The following ASDURF variants were observed in gnomAD, a reference collection of about 807,000 sequenced individuals.
ASDURF encodes the protein ASNSD1 upstream open reading frame.
Under a neutral mutation model 3.3 loss-of-function variants are expected in ASDURF, and 3 were observed. That is an observed-to-expected ratio of 0.92 (90% CI 0.42 to 2.37). ASDURF has a LOEUF of 2.37. ASDURF is among the 30% of genes most tolerant of loss of function. The pLI is 0.05. For missense variants in ASDURF, 23 were observed against 25.4 expected (o/e 0.90, Z 0.21); for synonymous variants, 11 against 8.3 (o/e 1.32, Z -0.55).
At chr2:189,663,077 G>A (rs1312317084) in intron 1 of ASDURF, among the ~76,000 whole-genome samples, 1 of 151,672 alleles carries the variant, frequency 6.6e-6, no homozygotes, top group Non-Finnish European at 1.5e-5. Flanking sequence ...GGCATTGCTT[G>A]ATTTGAATGT....
intron 1 of ASDURF, among the ~76,000 whole-genome samples, chr2:189,662,851 G>C (rs2032698144): frequency 6.6e-6 from 1 of 151,342 alleles, no homozygotes. Context: ...CGGAGGCTAA[G>C]GTGTGAGAAT....
At chr2:189,662,981 C>G (rs2032703117) in intron 1 of ASDURF, among the ~76,000 whole-genome samples, 1 of 142,896 alleles carries the variant, frequency 7.0e-6, no homozygotes, top group South Asian at 2.2e-4. Flanking sequence ...CCCAGTTCAA[C>G]AGTGCCAGCT....
intron 1 of ASDURF, among the ~76,000 whole-genome samples, chr2:189,663,133 A>G (rs911279091): frequency 2.0e-5 from 3 of 152,124 alleles, no homozygotes; most frequent in African/African-American, 7.2e-5. Context: ...TATTGAAAAA[A>G]GTAACCCACC....
At chr2:189,664,618 G>A (rs548743510) in intron 2 of ASDURF, among the ~76,000 whole-genome samples, 5 of 152,258 alleles carry the variant, frequency 3.3e-5, no homozygotes, top group South Asian at 2.1e-4. Context: ...TTAGCCAGGC[G>A]TGTGCCTGTA....
intron 1 of ASDURF, among the ~76,000 whole-genome samples, chr2:189,662,512 T>A (rs2032690930): frequency 6.6e-6 from 1 of 152,170 alleles, no homozygotes; most frequent in African/African-American, 2.4e-5. Context: ...TTCAACCTCA[T>A]TACTACAGCT....
At chr2:189,664,101 A>T in intron 2 of ASDURF, 147 bp downstream of exon 2, 1 of 328,336 alleles carries the variant, frequency 3.0e-6, no homozygotes, top group Non-Finnish European at 5.5e-6. Flanking sequence ...GCAAGTGTCT[A>T]GATTCTTTTT....
intron 1 of ASDURF, among the ~76,000 whole-genome samples, chr2:189,662,842 G>C (rs1309990930): frequency 6.6e-6 from 1 of 151,818 alleles, no homozygotes; most frequent in East Asian, 1.9e-4. Flanking sequence ...CCAGCTACTC[G>C]GAGGCTAAGG....
chr2:189,661,857 G>A (rs2032672857), intron 1 of ASDURF, among the ~76,000 whole-genome samples: 1 of 152,120 alleles, frequency 6.6e-6, no homozygotes, highest in African/African-American at 2.4e-5. Context: ...GCGGAGTTTT[G>A]GTTGGGTGTT....
At chr2:189,665,614 A>G (rs796886690) in intron 3 of ASDURF, among the ~76,000 whole-genome samples, 163 bp downstream of exon 3, 9,319 of 95,422 alleles carry the variant, frequency 0.098, 683 homozygotes, top group East Asian at 0.18. Context: ...ATATATATAT[A>G]TATATATATA....
chr2:189,661,655 G>C (rs191549755), intron 1 of ASDURF, 45 bp downstream of exon 1: 105 of 399,354 alleles, frequency 2.6e-4, no homozygotes, highest in African/African-American at 2.0e-3. Flanking sequence ...TCGGGACCGG[G>C]CGCCACTGGA....
Position 189,665,622 on chromosome 2 carries a change from A to G in ASDURF, c.220+171A>G, listed in dbSNP as rs868252888. Among the ~76,000 whole-genome samples the G allele has an allele frequency of 1.1e-3, 130 of 119,966 alleles. 5 individuals are homozygous for G. Among genetic ancestry groups the G allele is most frequent in the East Asian group, 1.3e-3 (6 of 4,568 alleles). 78.7% of individuals were successfully genotyped at this position (119,966 alleles called of 152,430 possible). ...TGTATATATATATATATATATATAT[A>G]TATATATATATATATATATATATAT... On this transcript the variant is annotated intron_variant, in intron 3 of 3. Transcript: ENST00000607829.
rs1191379693 is a variant in ASDURF, at chr2:189,663,934, T to C, written c.124T>C (p.Ser42Pro). 2.6e-6 allele frequency: 1 copy of C among 388,546 alleles called. No homozygotes were observed. The highest frequency in any genetic ancestry group is 4.6e-6 in the Non-Finnish European group (1 of 218,846). The allele number at this position is 388,546 out of a possible 1,614,324, so 24.1% of individuals were successfully genotyped here. ...ACAAAAAATTGTGGTGGATGAACTT[T>C]CTAACCTTAAGAAGAATAGGGTGAG... ...KEQKIVVDELSNLKKNRKVYR... is the reference protein window; with the variant it reads ...KEQKIVVDELPNLKKNRKVYR... The change falls in exon 2 of 4, where the codon TCT (serine) becomes CCT (proline). Residue 42 changes from serine (S) to proline (P), a missense_variant. By Grantham distance (74) the Ser-to-Pro change is moderately conservative. Transcript: ENST00000607829.
In ASDURF at chr2:189,666,133, A is replaced by G. The variant is rs1052341566; in HGVS notation, c.*22A>G. 1.9e-6 allele frequency: 3 copies of G among 1,547,368 alleles called. No homozygotes were observed. The highest frequency in any genetic ancestry group is 2.3e-5 in the East Asian group (1 of 43,966). ...ATAGTCAACCTGATTTCACATAACAATGTGTGGCATTTGTTGTTCTGTAAA... is the reference window on the plus strand; with the variant it reads ...ATAGTCAACCTGATTTCACATAACAGTGTGTGGCATTTGTTGTTCTGTAAA... On this transcript the variant is annotated 3_prime_UTR_variant, in exon 4 of 4. Transcript: ENST00000607829.
chr2:189,661,658 C>T, intron 1 of ASDURF, 48 bp downstream of exon 1: 1 of 399,282 alleles, frequency 2.5e-6, no homozygotes. Flanking sequence ...GGACCGGGCG[C>T]CACTGGACCC....
At chr2:189,665,620 ATATATATATATATATATATATATATATT>A (rs1559034474) in intron 3 of ASDURF, among the ~76,000 whole-genome samples, 169 bp downstream of exon 3, 10 of 114,334 alleles carry the variant, frequency 8.7e-5, no homozygotes, top group African/African-American at 3.0e-4. Flanking sequence ...ATATATATAT[ATATATATATATATATATATATATATATT>A]ATAAATGTTT....
chr2:189,663,378 C>T (rs576417695), intron 1 of ASDURF, among the ~76,000 whole-genome samples: 1 of 152,088 alleles, frequency 6.6e-6, no homozygotes, highest in African/African-American at 2.4e-5. Flanking sequence ...CTCAGCCTCC[C>T]GAATAGCTGG....
At chr2:189,662,994 A>G (rs1175170864) in intron 1 of ASDURF, among the ~76,000 whole-genome samples, 2 of 150,154 alleles carry the variant, frequency 1.3e-5, no homozygotes, top group Non-Finnish European at 3.0e-5. Context: ...TGCCAGCTCT[A>G]TGCTAGTCAT....
At chr2:189,665,506 A>G (rs1402422156) in intron 3 of ASDURF, 55 bp downstream of exon 3, 5 of 387,298 alleles carry the variant, frequency 1.3e-5, no homozygotes, top group Non-Finnish European at 2.3e-5. Flanking sequence ...TACTCATCTG[A>G]GTGTTAAAAT....
At chr2:189,662,268 CT>C (rs995880130) in intron 1 of ASDURF, among the ~76,000 whole-genome samples, 6 of 152,296 alleles carry the variant, frequency 3.9e-5, no homozygotes, top group African/African-American at 1.4e-4. Context: ...AACAAACAAC[CT>C]TTAAAGATAA....
Sources: allele counts gnomAD v4.1 joint callset (sites outside exome capture counted in the v4.1 genomes callset), GRCh38; gene constraint gnomAD v4.1.1; transcripts MANE v1.5; gene names NCBI Gene and HGNC (gene_info 2026-07-23, HGNC 2026-07-21).